The following TSPAN5 variants were observed in gnomAD, a reference collection of about 807,000 sequenced individuals.
The protein encoded by TSPAN5 is tetraspanin-5.
TSPAN5 carries 10 observed loss-of-function variants against 37.1 expected under a neutral mutation model. The observed-to-expected ratio is 0.27, with a 90% CI of 0.17 to 0.46. The LOEUF (loss-of-function observed/expected upper bound fraction) is 0.46, where lower values mean the gene tolerates loss of function less well. Among genes scored for constraint, TSPAN5 ranks in the 20% least tolerant of loss-of-function variants. The pLI is 1.00. For missense variants in TSPAN5, 195 were observed against 326.6 expected, an observed-to-expected ratio of 0.60 and a Z score of 3.11; for synonymous variants, 110 against 118.9, an observed-to-expected ratio of 0.93 and a Z score of 0.48.
intron 1 of TSPAN5, among the ~76,000 whole-genome samples, chr4:98,563,531 C>T (rs928640742): frequency 1.3e-5 from 2 of 152,096 alleles, no homozygotes; most frequent in East Asian, 1.9e-4. Flanking sequence ...CATAAAATAA[C>T]GATGACAATG....
At chr4:98,508,334 C>T (rs745621810) in intron 1 of TSPAN5, among the ~76,000 whole-genome samples, 4 of 152,032 alleles carry the variant, frequency 2.6e-5, no homozygotes, top group Non-Finnish European at 4.4e-5. Context: ...GACTCAGTTC[C>T]ACAACTTCAT....
intron 1 of TSPAN5, among the ~76,000 whole-genome samples, chr4:98,555,407 G>C (rs6837359): frequency 0.71 from 107,909 of 152,112 alleles, 38,442 homozygotes; most frequent in South Asian, 0.86. Context: ...GGGTTTGTTT[G>C]AGATGATAAC....
intron 4 of TSPAN5, among the ~76,000 whole-genome samples, chr4:98,479,881 T>C (rs772587993): frequency 4.7e-4 from 71 of 152,362 alleles, no homozygotes; most frequent in Admixed American, 1.3e-3. Context: ...TACTGTACTT[T>C]TGCATACAGA....
intron 2 of TSPAN5, among the ~76,000 whole-genome samples, chr4:98,493,079 A>T (rs1451820091): frequency 6.6e-6 from 1 of 152,208 alleles, no homozygotes; most frequent in African/African-American, 2.4e-5. Flanking sequence ...TGGGAGGCTG[A>T]GGCAGAAAGA....
At chr4:98,535,221 C>A (rs974046269) in intron 1 of TSPAN5, among the ~76,000 whole-genome samples, 1 of 152,096 alleles carries the variant, frequency 6.6e-6, no homozygotes, top group African/African-American at 2.4e-5. Context: ...CTGTAAGGCA[C>A]GCCTGGTGGT....
chr4:98,604,494 C>T (rs1264251161), intron 1 of TSPAN5, among the ~76,000 whole-genome samples: 1 of 152,194 alleles, frequency 6.6e-6, no homozygotes, highest in Non-Finnish European at 1.5e-5. Context: ...TCTTATAAAA[C>T]AGCTAACATG....
At chr4:98,527,633 T>C (rs1403433257) in intron 1 of TSPAN5, among the ~76,000 whole-genome samples, 2 of 152,238 alleles carry the variant, frequency 1.3e-5, no homozygotes, top group Non-Finnish European at 2.9e-5. Context: ...AGTAACCCAC[T>C]GCTTTTCTCA....
intron 1 of TSPAN5, among the ~76,000 whole-genome samples, chr4:98,564,615 T>C (rs1754957692): frequency 6.6e-6 from 1 of 152,198 alleles, no homozygotes; most frequent in African/African-American, 2.4e-5. Flanking sequence ...TAAATAACTT[T>C]CACACATTTT....
intron 1 of TSPAN5, among the ~76,000 whole-genome samples, chr4:98,620,883 TGAAAA>T (rs1756465207): frequency 1.3e-5 from 2 of 152,206 alleles, no homozygotes; most frequent in Non-Finnish European, 2.9e-5. Context: ...TTTTTTTAAT[TGAAAA>T]TTCACGTAAC....
intron 1 of TSPAN5, among the ~76,000 whole-genome samples, chr4:98,610,272 A>C (rs936413695): frequency 1.3e-5 from 2 of 152,186 alleles, no homozygotes; most frequent in African/African-American, 2.4e-5. Flanking sequence ...CCCTTTTATA[A>C]TCAGCACTAA....
intron 1 of TSPAN5, among the ~76,000 whole-genome samples, chr4:98,646,248 A>G (rs1285032694): frequency 6.6e-6 from 1 of 152,210 alleles, no homozygotes; most frequent in Non-Finnish European, 1.5e-5. Flanking sequence ...GGAAGGACAT[A>G]TAAGGGGAAA....
chr4:98,472,904 T>C (rs1193073594), intron 7 of TSPAN5, among the ~76,000 whole-genome samples: 1 of 152,200 alleles, frequency 6.6e-6, no homozygotes, highest in Non-Finnish European at 1.5e-5. Context: ...TGGATTTGCC[T>C]CTTCTGGACA....
intron 1 of TSPAN5, among the ~76,000 whole-genome samples, chr4:98,575,200 A>G (rs1224109498): frequency 6.6e-6 from 1 of 152,226 alleles, no homozygotes; most frequent in Admixed American, 6.5e-5. Flanking sequence ...ATATATACAA[A>G]TATCTGGAAA....
At chr4:98,605,778 T>C (rs1330612107) in intron 1 of TSPAN5, among the ~76,000 whole-genome samples, 1 of 152,180 alleles carries the variant, frequency 6.6e-6, no homozygotes, top group Non-Finnish European at 1.5e-5. Context: ...CACCCATTTA[T>C]AGTTAATGTG....
intron 1 of TSPAN5, among the ~76,000 whole-genome samples, chr4:98,603,009 T>A (rs924033938): frequency 6.6e-6 from 1 of 152,260 alleles, no homozygotes; most frequent in Admixed American, 6.5e-5. Flanking sequence ...GGAAGTTTAC[T>A]GTATTTACAG....
At chr4:98,485,210 A>G (rs1752934409) in intron 3 of TSPAN5, 1 of 152,492 alleles carries the variant, frequency 6.6e-6, no homozygotes, top group Admixed American at 6.5e-5. Context: ...CAATCAGGCT[A>G]CAGGAAAGCT....
chr4:98,566,056 G>T (rs1452548096), intron 1 of TSPAN5, among the ~76,000 whole-genome samples: 3 of 152,196 alleles, frequency 2.0e-5, no homozygotes, highest in African/African-American at 2.4e-5. Flanking sequence ...ATCTCCAGGG[G>T]AAATGAGAGG....
intron 1 of TSPAN5, among the ~76,000 whole-genome samples, chr4:98,510,395 G>A (rs990912475): frequency 3.3e-5 from 5 of 152,230 alleles, no homozygotes; most frequent in African/African-American, 1.2e-4. Flanking sequence ...GCAAAGGGGT[G>A]TGGAAAAGGT....
At position 98,519,674 on chromosome 4, in the gene TSPAN5, T is replaced by A. The variant is rs568809178; in HGVS notation, c.82-11946A>T. On this transcript the variant is annotated intron_variant, in intron 1 of 7. Transcript: ENST00000305798. Reference sequence around the variant, plus strand: ...AGTTAGGAATACTAGAAGTGGAGAATATTTGGAGAGAAATATCAGTTTTAG... The same window carrying A: ...AGTTAGGAATACTAGAAGTGGAGAAAATTTGGAGAGAAATATCAGTTTTAG... 7.2e-5 allele frequency among the ~76,000 whole-genome samples: 11 copies of A among 152,340 alleles called. No homozygotes were observed. In the South Asian group the frequency reaches 2.1e-3, roughly 29 times the overall value.
Sources: gnomAD v4.1 joint callset for allele counts (sites outside exome capture counted in the v4.1 genomes callset) on GRCh38, gnomAD v4.1.1 for gene constraint, MANE v1.5 for transcripts, NCBI Gene and HGNC (gene_info 2026-07-23, HGNC 2026-07-21) for gene names.